BCO1: variants seen among roughly 807,000 people sequenced by gnomAD.
BCO1 encodes beta-carotene oxygenase 1.
In BCO1, 54 loss-of-function variants were observed where a neutral mutation model predicts 56.3. The ratio of observed to expected loss-of-function variants is 0.96; its 90% CI spans 0.77 to 1.20. The LOEUF is 1.20. Ranked by LOEUF, BCO1 falls within the 50% of genes most tolerant of loss-of-function variation. The pLI is 0.00. For synonymous variants in BCO1, 318 were observed against 266.1 expected, an observed-to-expected ratio of 1.20 and a Z score of -1.90; for missense variants, 801 against 690.9, an observed-to-expected ratio of 1.16 and a Z score of -1.79.
rs564862932 is a variant in BCO1, at chr16:81,255,168, C to T, written c.194-4508C>T. 7.2e-5 allele frequency among the ~76,000 whole-genome samples: 11 copies of T among 152,326 alleles called. No homozygotes were observed. The East Asian group carries it at 1.9e-3, about 27-fold the overall frequency. Reference sequence around the variant, plus strand: ...CAGCAGGCTGGATGTCATCAAGCTGCACATCTCTGTAGGAGTGATTTTAAT... The same window carrying T: ...CAGCAGGCTGGATGTCATCAAGCTGTACATCTCTGTAGGAGTGATTTTAAT... On this transcript the variant is annotated intron_variant, in intron 2 of 10. Coordinates refer to ENST00000258168, the MANE Select transcript of BCO1 (RefSeq NM_017429.3).
At chr16:81,279,638 G>A (rs1907752141) in intron 7 of BCO1, among the ~76,000 whole-genome samples, 1 of 152,174 alleles carries the variant, frequency 6.6e-6, no homozygotes, top group Non-Finnish European at 1.5e-5. Context: ...CGGAACTATA[G>A]AGAGGCCAAC....
intron 2 of BCO1, among the ~76,000 whole-genome samples, chr16:81,257,879 C>CAAAA (rs529236932): frequency 3.0e-5 from 2 of 66,094 alleles, no homozygotes; most frequent in South Asian, 1.0e-3. Context: ...GACTCCATCT[C>CAAAA]AAAAAAAAAA....
chr16:81,287,254 C>T (rs1908235494), intron 9 of BCO1, 41 bp from the exon 10 acceptor site: 1 of 1,437,894 alleles, frequency 7.0e-7, no homozygotes, highest in Admixed American at 1.7e-5. Context: ...AGTATTCTCT[C>T]AAACAAGTCA....
At chr16:81,273,500 G>T (rs559408134) in intron 7 of BCO1, among the ~76,000 whole-genome samples, 5 of 152,224 alleles carry the variant, frequency 3.3e-5, no homozygotes, top group Admixed American at 2.6e-4. Flanking sequence ...GGGAGCTGGC[G>T]TTTGAACTGA....
chr16:81,244,911 A>T (rs1905309042), intron 1 of BCO1, among the ~76,000 whole-genome samples: 1 of 151,578 alleles, frequency 6.6e-6, no homozygotes, highest in Non-Finnish European at 1.5e-5. Context: ...TTTTTTTGAC[A>T]CAGAGTTTCG....
chr16:81,288,760 A>G (rs1447012705), intron 10 of BCO1, among the ~76,000 whole-genome samples: 1 of 152,158 alleles, frequency 6.6e-6, no homozygotes, highest in Non-Finnish European at 1.5e-5. Context: ...GGGTAACTAG[A>G]ACCATAGGTG....
chr16:81,284,491 A>T (rs1426253895), intron 8 of BCO1, among the ~76,000 whole-genome samples: 1 of 152,028 alleles, frequency 6.6e-6, no homozygotes, highest in African/African-American at 2.4e-5. Flanking sequence ...TAATTCTATA[A>T]CCAGCATTTT....
chr16:81,247,951 C>T (rs552565516), intron 2 of BCO1, among the ~76,000 whole-genome samples: 3 of 152,282 alleles, frequency 2.0e-5, no homozygotes, highest in Admixed American at 1.3e-4. Flanking sequence ...GTAACTTTGG[C>T]CAAGGTACTG....
chr16:81,241,967 C>T (rs561231645), intron 1 of BCO1, among the ~76,000 whole-genome samples: 1 of 152,166 alleles, frequency 6.6e-6, no homozygotes, highest in Non-Finnish European at 1.5e-5. Context: ...TAGCCTGGCA[C>T]CTCCCACATA....
At chr16:81,249,031 G>A (rs1014316447) in intron 2 of BCO1, among the ~76,000 whole-genome samples, 1 of 151,528 alleles carries the variant, frequency 6.6e-6, no homozygotes, top group South Asian at 2.1e-4. Context: ...AGCACCAGTG[G>A]TTTTCCTTCC....
chr16:81,251,834 C>CCACA (rs146949793), intron 2 of BCO1, among the ~76,000 whole-genome samples: 5 of 144,958 alleles, frequency 3.4e-5, no homozygotes, highest in Non-Finnish European at 6.0e-5. Flanking sequence ...TTATATATAC[C>CCACA]CACACACACA....
At chr16:81,275,556 C>G (rs1907505924) in intron 7 of BCO1, among the ~76,000 whole-genome samples, 1 of 152,224 alleles carries the variant, frequency 6.6e-6, no homozygotes, top group Admixed American at 6.5e-5. Context: ...AGCCTAAGTT[C>G]TGGGAGGACA....
chr16:81,251,834 CCACACACACACACACACG>C (rs1348966793), intron 2 of BCO1, among the ~76,000 whole-genome samples: 2 of 144,870 alleles, frequency 1.4e-5, no homozygotes, highest in Non-Finnish European at 3.0e-5. Flanking sequence ...TTATATATAC[CCACACACACACACACACG>C]CACACACACA....
At chr16:81,251,872 A>ATGTGTGTG (rs773100922) in intron 2 of BCO1, among the ~76,000 whole-genome samples, 145 of 117,298 alleles carry the variant, frequency 1.2e-3, no homozygotes, top group African/African-American at 6.0e-3. Flanking sequence ...ACACACACAT[A>ATGTGTGTG]TATGTGTGTG....
rs1403721751 is a variant in BCO1 at position 81,259,672 on chromosome 16, G to C, written c.194-4G>C. 6.2e-7 allele frequency: 1 copy of C among 1,614,178 alleles called. No homozygotes were observed. Among genetic ancestry groups the C allele is most frequent in the East Asian group, 2.2e-5 (1 of 44,872 alleles). On this transcript the variant is annotated splice_region_variant and splice_polypyrimidine_tract_variant and intron_variant, in intron 2 of 10. Coordinates refer to ENST00000258168, the MANE Select transcript of BCO1 (RefSeq NM_017429.3). ...CTGAGATTATGCTGGTTCTTCTCTT[G>C]CAGGTGAAGTCTATTACAGGAGCAA...
chr16:81,265,073 A>C (rs980715496), intron 5 of BCO1, among the ~76,000 whole-genome samples: 1 of 151,372 alleles, frequency 6.6e-6, no homozygotes, highest in Non-Finnish European at 1.5e-5. Context: ...TCCATCATCT[A>C]TTTACCATCC....
intron 2 of BCO1, among the ~76,000 whole-genome samples, chr16:81,246,403 C>G (rs1014418944): frequency 1.3e-5 from 2 of 152,154 alleles, no homozygotes; most frequent in Admixed American, 1.3e-4. Context: ...GTGCATTATT[C>G]AGCCAACCGC....
chr16:81,268,094 G>A lies in BCO1; in HGVS notation c.806G>A (p.Ser269Asn). 1.2e-6 allele frequency: 2 copies of A among 1,611,578 alleles called. No individual in the cohort carries two copies. The highest frequency in any genetic ancestry group is 1.7e-6 in the Non-Finnish European group (2 of 1,180,006). ...GCAACCGCATACATCCGGAGAATGAGCTGGGCCTCCTGCCTGGCTTTCCAC... is the reference window on the plus strand; with the variant it reads ...GCAACCGCATACATCCGGAGAATGAACTGGGCCTCCTGCCTGGCTTTCCAC... ...KMATAYIRRM[S>N]WASCLAFHRE... The change falls in exon 6 of 11, where the codon AGC (serine) becomes AAC (asparagine). Residue 269 changes from serine to asparagine, a missense_variant. Coordinates refer to ENST00000258168, the MANE Select transcript of BCO1 (RefSeq NM_017429.3).
In BCO1 at chr16:81,270,164, T is replaced by A; in HGVS notation, c.849T>A (p.Tyr283Ter). The A allele has an allele frequency of 6.2e-7, 1 of 1,614,146 alleles. No homozygotes were observed. Among genetic ancestry groups the A allele is most frequent in the Non-Finnish European group, 8.5e-7 (1 of 1,180,032 alleles). ...CLAFHREEKTYIHIIDQRTRQ... is the reference protein window; with the variant it reads ...CLAFHREEKT The stretch of plus-strand genomic sequence containing the variant: ...TGATATGTGTCCTTTTTCAGACTTA[T>A]ATCCACATCATCGACCAAAGGACCA... Residue 283 changes from tyrosine to a stop codon, truncating the protein, a stop_gained, in exon 7 of 11, where the codon TAT becomes TAA. Coordinates refer to ENST00000258168, the MANE Select transcript of BCO1 (RefSeq NM_017429.3). LOFTEE classifies it high-confidence loss of function.
Sources: allele counts gnomAD v4.1 joint callset (sites outside exome capture counted in the v4.1 genomes callset), GRCh38; gene constraint gnomAD v4.1.1; transcripts MANE v1.5; gene names NCBI Gene and HGNC (gene_info 2026-07-23, HGNC 2026-07-21).